AKAIN1: variants seen among roughly 807,000 people sequenced by gnomAD.
AKAIN1 encodes the protein A-kinase anchor protein inhibitor 1.
AKAIN1 carries 3 observed loss-of-function variants against 3.7 expected under a neutral mutation model. The ratio of observed to expected loss-of-function variants is 0.82; its 90% CI spans 0.37 to 2.12. The LOEUF (loss-of-function observed/expected upper bound fraction) is 2.12, where lower values mean the gene tolerates loss of function less well. Ranked by LOEUF, AKAIN1 falls within the 30% of genes most tolerant of loss-of-function variation. The pLI, the probability that AKAIN1 is intolerant of heterozygous loss-of-function variation, is 0.06. For synonymous variants in AKAIN1, 31 were observed against 30.8 expected (o/e 1.01, Z -0.02); for missense variants, 82 against 82.7 (o/e 0.99, Z 0.03).
intron 1 of AKAIN1, among the ~76,000 whole-genome samples, chr18:5,190,814 T>A (rs967911352): frequency 6.6e-6 from 1 of 152,094 alleles, no homozygotes; most frequent in Non-Finnish European, 1.5e-5. Context: ...ATCTCTCATG[T>A]CTCTTTCTGT....
intron 1 of AKAIN1, among the ~76,000 whole-genome samples, chr18:5,157,064 T>G (rs1387797611): frequency 6.6e-6 from 1 of 152,326 alleles, no homozygotes; most frequent in Admixed American, 6.5e-5. Context: ...TTTTTTACAA[T>G]TTTTAAGTAT....
At chr18:5,147,724 A>G (rs2071057125) in intron 1 of AKAIN1, among the ~76,000 whole-genome samples, 1 of 152,238 alleles carries the variant, frequency 6.6e-6, no homozygotes, top group African/African-American at 2.4e-5. Flanking sequence ...GGGATTTGCA[A>G]TCTAGTGAAC....
chr18:5,171,834 G>A (rs765060915), intron 1 of AKAIN1, among the ~76,000 whole-genome samples: 3 of 152,108 alleles, frequency 2.0e-5, no homozygotes, highest in Non-Finnish European at 4.4e-5. Flanking sequence ...CAATGCCACT[G>A]CTGGGTATAT....
intron 1 of AKAIN1, among the ~76,000 whole-genome samples, chr18:5,160,182 A>T (rs1052363390): frequency 6.6e-6 from 1 of 152,166 alleles, no homozygotes; most frequent in African/African-American, 2.4e-5. Context: ...TGTTATCCAA[A>T]GGAGGTCAGC....
At chr18:5,184,746 T>G (rs1022164786) in intron 1 of AKAIN1, among the ~76,000 whole-genome samples, 2 of 152,090 alleles carry the variant, frequency 1.3e-5, no homozygotes, top group Non-Finnish European at 2.9e-5. Flanking sequence ...AGAACCAATA[T>G]TGTTAAAATG....
chr18:5,159,951 T>C (rs547040674), intron 1 of AKAIN1, among the ~76,000 whole-genome samples: 3 of 152,254 alleles, frequency 2.0e-5, no homozygotes, highest in Non-Finnish European at 4.4e-5. Context: ...TGATCATTTT[T>C]ACTTCTATAT....
chr18:5,149,739 A>G (rs1439615021), intron 1 of AKAIN1, among the ~76,000 whole-genome samples: 1 of 152,256 alleles, frequency 6.6e-6, no homozygotes, highest in African/African-American at 2.4e-5. Flanking sequence ...GACCTTTGCC[A>G]TATCTTCAGT....
chr18:5,181,042 A>G (rs1314361285), intron 1 of AKAIN1, among the ~76,000 whole-genome samples: 1 of 151,980 alleles, frequency 6.6e-6, no homozygotes, highest in East Asian at 1.9e-4. Context: ...AATAGCAACA[A>G]TTTGGGAAGG....
intron 1 of AKAIN1, among the ~76,000 whole-genome samples, chr18:5,170,117 G>C (rs143841537): frequency 6.6e-6 from 1 of 152,148 alleles, no homozygotes; most frequent in African/African-American, 2.4e-5. Context: ...CAAAATATGT[G>C]GCACTAGAAA....
At chr18:5,196,947 G>T (rs1436194446) in intron 1 of AKAIN1, 91 bp downstream of exon 1, 10 of 1,157,024 alleles carry the variant, frequency 8.6e-6, no homozygotes, top group South Asian at 7.9e-5. Flanking sequence ...CAGATGGGCC[G>T]TAAGGTAAAG....
chr18:5,148,285 G>A (rs926808859), intron 1 of AKAIN1, among the ~76,000 whole-genome samples: 1 of 152,138 alleles, frequency 6.6e-6, no homozygotes, highest in Non-Finnish European at 1.5e-5. Flanking sequence ...GTTATCTAAG[G>A]ACTCTAACTT....
chr18:5,192,449 T>TTTCTTTC (rs1567881080), intron 1 of AKAIN1, among the ~76,000 whole-genome samples: 2 of 55,014 alleles, frequency 3.6e-5, no homozygotes, highest in African/African-American at 1.1e-4. Context: ...TTCTTTCTTT[T>TTTCTTTC]TCTTTTCTTT....
intron 1 of AKAIN1, among the ~76,000 whole-genome samples, chr18:5,173,745 G>A (rs2071210221): frequency 6.6e-6 from 1 of 152,122 alleles, no homozygotes; most frequent in African/African-American, 2.4e-5. Flanking sequence ...CAGAGGGGCT[G>A]GTGATCTCTA....
At chr18:5,186,967 G>A (rs1024488891) in intron 1 of AKAIN1, among the ~76,000 whole-genome samples, 2 of 151,958 alleles carry the variant, frequency 1.3e-5, no homozygotes, top group Non-Finnish European at 2.9e-5. Flanking sequence ...GGTTTCAAGG[G>A]AAATTAGAAA....
intron 1 of AKAIN1, among the ~76,000 whole-genome samples, chr18:5,178,825 C>T (rs1031158744): frequency 6.6e-6 from 1 of 152,148 alleles, no homozygotes; most frequent in African/African-American, 2.4e-5. Flanking sequence ...TTTCCAGGTG[C>T]ACCCAGCACT....
At chr18:5,176,176 C>T (rs991041102) in intron 1 of AKAIN1, among the ~76,000 whole-genome samples, 4 of 152,046 alleles carry the variant, frequency 2.6e-5, no homozygotes, top group East Asian at 1.9e-4. Context: ...CGGTGGCTCA[C>T]GCATGTAATC....
intron 1 of AKAIN1, among the ~76,000 whole-genome samples, chr18:5,150,792 G>A (rs8093945): frequency 0.081 from 12,295 of 152,184 alleles, 1,594 homozygotes; most frequent in African/African-American, 0.28. Flanking sequence ...TTAATAATTG[G>A]TCTAATTTCT....
At chr18:5,171,079 A>G (rs1489704239) in intron 1 of AKAIN1, 1 of 152,100 alleles carries the variant, frequency 6.6e-6, no homozygotes, top group African/African-American at 2.4e-5. Context: ...TCATGACCCC[A>G]AAAGAATGGG....
intron 1 of AKAIN1, among the ~76,000 whole-genome samples, chr18:5,163,116 C>G (rs969284757): frequency 1.3e-5 from 2 of 151,908 alleles, no homozygotes; most frequent in African/African-American, 4.8e-5. Flanking sequence ...ACCCACAGAC[C>G]GTGAGGAAAT....
Sources: gnomAD v4.1 joint callset for allele counts (sites outside exome capture counted in the v4.1 genomes callset) on GRCh38, gnomAD v4.1.1 for gene constraint, MANE v1.5 for transcripts, NCBI Gene and HGNC (gene_info 2026-07-23, HGNC 2026-07-21) for gene names.